Variants in FAM13A observed in about 807,000 individuals in gnomAD.
FAM13A encodes protein FAM13A.
Under a neutral mutation model 129.6 loss-of-function variants are expected in FAM13A, and 76 were observed. The observed-to-expected ratio is 0.59, with a 90% CI of 0.49 to 0.71. The LOEUF is 0.71. Ranked by LOEUF, FAM13A falls within the 30% of genes least tolerant of loss-of-function variation. The pLI, the probability that FAM13A is intolerant of heterozygous loss-of-function variation, is 0.00. For missense variants in FAM13A, 1,108 were observed against 1,249.3 expected, an observed-to-expected ratio of 0.89 and a Z score of 1.70; for synonymous variants, 443 against 449.9, an observed-to-expected ratio of 0.98 and a Z score of 0.20.
intron 5 of FAM13A, among the ~76,000 whole-genome samples, chr4:88,926,544 GTTAA>G (rs1752200430): frequency 1.3e-5 from 2 of 152,258 alleles, no homozygotes; most frequent in Admixed American, 1.3e-4. Context: ...TCTGTCTTCT[GTTAA>G]TTATTCCTTA....
At chr4:88,994,803 T>C (rs1259649413) in intron 3 of FAM13A, among the ~76,000 whole-genome samples, 2 of 151,588 alleles carry the variant, frequency 1.3e-5, no homozygotes, top group African/African-American at 4.9e-5. Context: ...ATCATACCAC[T>C]GCACTCCAGC....
intron 7 of FAM13A, among the ~76,000 whole-genome samples, chr4:88,815,995 AAAAG>A (rs1206598974): frequency 9.8e-4 from 149 of 152,178 alleles, no homozygotes; most frequent in African/African-American, 2.7e-3. Context: ...CTAAAAAAAA[AAAAG>A]AAAGGTAAAT....
intron 21 of FAM13A, among the ~76,000 whole-genome samples, chr4:88,734,799 A>G (rs1186069439): frequency 6.6e-6 from 1 of 152,252 alleles, no homozygotes; most frequent in Non-Finnish European, 1.5e-5. Context: ...AAAGGTCAGC[A>G]GTGCTGAGGC....
chr4:88,728,399 G>T lies in FAM13A; in HGVS notation c.*134C>A. ...GCAGGCAATGGAAACAGGAGCCGATGCCAAATGGTCTAGAGGCAGAAGGGC... is the reference window on the plus strand; with the variant it reads ...GCAGGCAATGGAAACAGGAGCCGATTCCAAATGGTCTAGAGGCAGAAGGGC... On this transcript the variant is annotated 3_prime_UTR_variant, in exon 24 of 24. Transcript: ENST00000264344. The T allele has an allele frequency of 9.6e-7, 1 of 1,039,454 alleles. No individual in the cohort carries two copies. The highest frequency in any genetic ancestry group is 1.4e-6 in the Non-Finnish European group (1 of 711,192). 64.4% of individuals were successfully genotyped at this position (1,039,454 alleles called of 1,614,324 possible). A position where few individuals can be genotyped will look rare whatever the true frequency, so the allele number is the denominator to read the frequency against.
chr4:88,784,122 A>T (rs1723501906), intron 10 of FAM13A, among the ~76,000 whole-genome samples: 2 of 152,240 alleles, frequency 1.3e-5, no homozygotes, highest in Non-Finnish European at 2.9e-5. Flanking sequence ...TGAAAATCTG[A>T]CCATGCTGTT....
At chr4:88,760,266 T>A (rs898368394) in intron 13 of FAM13A, among the ~76,000 whole-genome samples, 2 of 152,304 alleles carry the variant, frequency 1.3e-5, no homozygotes, top group African/African-American at 4.8e-5. Flanking sequence ...TGGGATAAAA[T>A]GAAATACCAT....
chr4:88,776,955 A>G (rs1721849113), intron 11 of FAM13A, among the ~76,000 whole-genome samples: 1 of 152,060 alleles, frequency 6.6e-6, no homozygotes, highest in Non-Finnish European at 1.5e-5. Context: ...GCTGGGCAAT[A>G]AGAGTGAAAC....
At chr4:88,829,023 A>G (rs932592772) in intron 7 of FAM13A, among the ~76,000 whole-genome samples, 1 of 152,200 alleles carries the variant, frequency 6.6e-6, no homozygotes. Context: ...GTGTTTGGCA[A>G]TATCTGCATT....
intron 10 of FAM13A, among the ~76,000 whole-genome samples, chr4:88,782,125 G>T (rs914450023): frequency 6.6e-6 from 1 of 151,998 alleles, no homozygotes; most frequent in African/African-American, 2.4e-5. Context: ...CATTTTAACT[G>T]AAATCTGGAT....
chr4:88,930,659 A>G (rs1752891004), intron 5 of FAM13A, among the ~76,000 whole-genome samples: 1 of 152,028 alleles, frequency 6.6e-6, no homozygotes, highest in South Asian at 2.1e-4. Flanking sequence ...TGGAGGGCTG[A>G]TTCTTGGGCC....
chr4:88,931,695 C>A (rs1380556391), intron 5 of FAM13A, among the ~76,000 whole-genome samples: 1 of 152,172 alleles, frequency 6.6e-6, no homozygotes, highest in East Asian at 1.9e-4. Flanking sequence ...AAAAATACAT[C>A]ATTTAACTTT....
intron 2 of FAM13A, 97 bp from the exon 3 acceptor site, chr4:89,020,766 G>T: frequency 2.6e-6 from 2 of 784,264 alleles, no homozygotes; most frequent in Non-Finnish European, 4.3e-6. Context: ...CTCAGCATAT[G>T]ATTCTCTCAA....
intron 6 of FAM13A, among the ~76,000 whole-genome samples, chr4:88,884,932 T>C (rs1211930638): frequency 1.3e-5 from 2 of 152,064 alleles, no homozygotes; most frequent in African/African-American, 2.4e-5. Context: ...TACTTAGGAA[T>C]ATATCTAAAC....
chr4:88,844,402 C>G (rs1220187727), intron 7 of FAM13A, among the ~76,000 whole-genome samples: 2 of 152,116 alleles, frequency 1.3e-5, no homozygotes, highest in East Asian at 3.8e-4. Context: ...AATGAACAAC[C>G]TTTTCAGAAT....
chr4:88,741,205 T>C (rs1007900646), intron 19 of FAM13A, among the ~76,000 whole-genome samples: 8 of 152,216 alleles, frequency 5.3e-5, no homozygotes, highest in Non-Finnish European at 8.8e-5. Flanking sequence ...AGAATGCTCA[T>C]AGCAGCACTA....
At chr4:88,973,516 T>A (rs1760439198) in intron 4 of FAM13A, among the ~76,000 whole-genome samples, 1 of 152,150 alleles carries the variant, frequency 6.6e-6, no homozygotes, top group African/African-American at 2.4e-5. Context: ...TTCTTAGAAT[T>A]TCCATCTCTC....
chr4:88,782,600 C>G (rs1490026550), intron 10 of FAM13A, among the ~76,000 whole-genome samples: 1 of 152,056 alleles, frequency 6.6e-6, no homozygotes, highest in Non-Finnish European at 1.5e-5. Context: ...GAATTAAATA[C>G]TATCATAATA....
intron 2 of FAM13A, among the ~76,000 whole-genome samples, chr4:89,023,244 T>G (rs532755079): frequency 6.6e-6 from 1 of 152,276 alleles, no homozygotes; most frequent in East Asian, 1.9e-4. Context: ...ATCTTTAGCT[T>G]CAGAAACTTA....
chr4:88,749,872 G>C lies in FAM13A; in HGVS notation c.1978C>G (p.Gln660Glu). The change falls in exon 16 of 24, where the codon CAA becomes GAA. Residue 660 changes from glutamine (Q) to glutamate (E), a missense_variant. By Grantham distance (29) the Gln-to-Glu change is conservative. This residue lies in a region of FAM13A where 529 missense variants were observed against 621.2 expected (regional missense o/e 0.85). Transcript: ENST00000264344. ...AGCTGGGCAGGTGTCAGGTCCTCTTGCTCATCATCATAGGACCCCAGAGAG... is the reference window on the plus strand; with the variant it reads ...AGCTGGGCAGGTGTCAGGTCCTCTTCCTCATCATCATAGGACCCCAGAGAG... ...SSSLGSYDDE[Q>E]EDLTPAQLTR... 1 of 1,614,000 alleles carries C rather than the reference G, an allele frequency of 6.2e-7. No homozygotes were observed.
Sources: gnomAD v4.1 joint callset for allele counts (sites outside exome capture counted in the v4.1 genomes callset) on GRCh38, gnomAD v4.1.1 for gene constraint, gnomAD v4.1.1 regional missense constraint, MANE v1.5 for transcripts, NCBI Gene and HGNC (gene_info 2026-07-23, HGNC 2026-07-21) for gene names.